The following BTBD9 variants were observed in gnomAD, a reference collection of about 807,000 sequenced individuals.
BTBD9 encodes BTB/POZ domain-containing protein 9.
Under a neutral mutation model 64.3 loss-of-function variants are expected in BTBD9, and 49 were observed. The observed-to-expected ratio is 0.76, with a 90% CI of 0.61 to 0.97. The LOEUF is 0.97. BTBD9 is among the 50% of genes least tolerant of loss of function. BTBD9 has a pLI of 0.00. For synonymous variants in BTBD9, 260 were observed against 274.7 expected (o/e 0.95, Z 0.53); for missense variants, 598 against 762.1 (o/e 0.78, Z 2.53).
At chr6:38,302,266 C>G (rs1314956758) in intron 7 of BTBD9, among the ~76,000 whole-genome samples, 3 of 151,948 alleles carry the variant, frequency 2.0e-5, no homozygotes, top group African/African-American at 7.3e-5. Flanking sequence ...TGACCAGTTT[C>G]TCCTTACCTC....
chr6:38,433,653 C>T (rs949042976), intron 6 of BTBD9, among the ~76,000 whole-genome samples: 4 of 151,862 alleles, frequency 2.6e-5, no homozygotes, highest in South Asian at 2.1e-4. Context: ...GGACTCAGCC[C>T]GCCTGCACCC....
At chr6:38,637,070 A>G (rs186863017) in intron 1 of BTBD9, among the ~76,000 whole-genome samples, 2 of 152,306 alleles carry the variant, frequency 1.3e-5, no homozygotes, top group Admixed American at 1.3e-4. Flanking sequence ...TTTAACCCTC[A>G]GAGCTAAGCT....
chr6:38,568,845 C>T (rs1775633963), intron 6 of BTBD9, among the ~76,000 whole-genome samples: 1 of 152,086 alleles, frequency 6.6e-6, no homozygotes, highest in African/African-American at 2.4e-5. Context: ...TATACTTCTT[C>T]GCAGGGAGTC....
chr6:38,283,876 G>A (rs952069643), intron 8 of BTBD9, among the ~76,000 whole-genome samples: 1 of 152,152 alleles, frequency 6.6e-6, no homozygotes, highest in Non-Finnish European at 1.5e-5. Context: ...AGAAGCTGTG[G>A]GTCAAATGTC....
At chr6:38,400,554 A>G (rs2127632298) in intron 6 of BTBD9, among the ~76,000 whole-genome samples, 1 of 152,212 alleles carries the variant, frequency 6.6e-6, no homozygotes, top group South Asian at 2.1e-4. Context: ...GCCTTTTGTA[A>G]CATCTTCCCT....
intron 3 of BTBD9, among the ~76,000 whole-genome samples, chr6:38,593,257 T>C (rs914657773): frequency 1.3e-5 from 2 of 152,212 alleles, no homozygotes; most frequent in African/African-American, 2.4e-5. Flanking sequence ...TACTTTTGGC[T>C]CTCAGATCTC....
intron 7 of BTBD9, among the ~76,000 whole-genome samples, chr6:38,336,341 C>A (rs945359858): frequency 6.6e-6 from 1 of 152,044 alleles, no homozygotes; most frequent in Admixed American, 6.6e-5. Context: ...AAGAAATACC[C>A]GAGACTGAGT....
intron 9 of BTBD9, among the ~76,000 whole-genome samples, chr6:38,248,886 G>A (rs751027043): frequency 2.4e-4 from 36 of 152,186 alleles, no homozygotes; most frequent in Non-Finnish European, 4.0e-4. Context: ...TTTATAAATC[G>A]AGGAGAACTG....
chr6:38,468,541 A>C (rs6904723), intron 6 of BTBD9, among the ~76,000 whole-genome samples: 81,182 of 152,000 alleles, frequency 0.53, 22,505 homozygotes, highest in East Asian at 0.96. Flanking sequence ...TTCCTCTAAA[A>C]TCCTAGAGCA....
chr6:38,457,936 G>C (rs571074311), intron 6 of BTBD9, among the ~76,000 whole-genome samples: 2 of 152,154 alleles, frequency 1.3e-5, no homozygotes, highest in East Asian at 1.9e-4. Context: ...TAAGTGTTGC[G>C]GAACTCACAC....
intron 6 of BTBD9, among the ~76,000 whole-genome samples, chr6:38,415,404 A>G (rs910039206): frequency 2.0e-5 from 3 of 152,284 alleles, no homozygotes; most frequent in Middle Eastern, 3.4e-3. Context: ...GGTAGCCTCT[A>G]GAGTCTGGAA....
intron 8 of BTBD9, among the ~76,000 whole-genome samples, chr6:38,266,750 G>A (rs1765020823): frequency 6.6e-6 from 1 of 152,136 alleles, no homozygotes; most frequent in African/African-American, 2.4e-5. Flanking sequence ...AGGCCAAACA[G>A]CCCTTGAGAA....
At chr6:38,208,577 A>G (rs1023069282) in intron 9 of BTBD9, among the ~76,000 whole-genome samples, 3 of 152,162 alleles carry the variant, frequency 2.0e-5, no homozygotes, top group Non-Finnish European at 2.9e-5. Flanking sequence ...CAGAGACTCA[A>G]AATCAGCCCG....
intron 6 of BTBD9, among the ~76,000 whole-genome samples, chr6:38,368,853 T>C (rs1765298843): frequency 6.6e-6 from 1 of 152,192 alleles, no homozygotes; most frequent in Non-Finnish European, 1.5e-5. Context: ...CAGGGTATTC[T>C]TCAATCACAA....
intron 7 of BTBD9, among the ~76,000 whole-genome samples, chr6:38,341,878 G>A (rs1764115547): frequency 6.6e-6 from 1 of 152,172 alleles, no homozygotes; most frequent in South Asian, 2.1e-4. Context: ...GCCCAGCTCT[G>A]GGCAATGTGG....
At chr6:38,461,714 T>C (rs1298421771) in intron 6 of BTBD9, among the ~76,000 whole-genome samples, 2 of 152,242 alleles carry the variant, frequency 1.3e-5, no homozygotes, top group African/African-American at 2.4e-5. Context: ...TGTAGGTATA[T>C]GTTTAACTTT....
chr6:38,481,531 G>A (rs1458758603), intron 6 of BTBD9, among the ~76,000 whole-genome samples: 2 of 152,158 alleles, frequency 1.3e-5, no homozygotes, highest in Non-Finnish European at 2.9e-5. Flanking sequence ...CTCTGCTCAC[G>A]ACCTCTTTTC....
chr6:38,508,038 T>C (rs905452093), intron 6 of BTBD9, among the ~76,000 whole-genome samples: 1 of 152,022 alleles, frequency 6.6e-6, no homozygotes, highest in African/African-American at 2.4e-5. Flanking sequence ...TTTCACTGTG[T>C]TAGCCAGGAT....
intron 10 of BTBD9, among the ~76,000 whole-genome samples, chr6:38,182,980 TC>T (rs1477645960): frequency 1.2e-4 from 12 of 101,516 alleles, no homozygotes; most frequent in South Asian, 5.3e-4. Context: ...CAAAAGGTCT[TC>T]TTTTTTTTTT....
Sources: allele counts gnomAD v4.1 joint callset (sites outside exome capture counted in the v4.1 genomes callset), GRCh38; gene constraint gnomAD v4.1.1; transcripts MANE v1.5; gene names NCBI Gene and HGNC (gene_info 2026-07-23, HGNC 2026-07-21).